The following TANC1 variants were observed in gnomAD, a reference collection of about 807,000 sequenced individuals.
The protein encoded by TANC1 is tetratricopeptide repeat, ankyrin repeat and coiled-coil containing 1.
Under a neutral mutation model 149.7 loss-of-function variants are expected in TANC1, and 77 were observed. The ratio of observed to expected loss-of-function variants is 0.51; its 90% CI spans 0.43 to 0.62. The LOEUF is 0.62. TANC1 is among the 20% of genes least tolerant of loss of function. TANC1 has a pLI of 0.00. For missense variants in TANC1, 1,985 were observed against 2,321.8 expected (o/e 0.85, Z 2.98); for synonymous variants, 854 against 925.0 (o/e 0.92, Z 1.39).
Position 159,230,370 on chromosome 2 carries a change from G to A in TANC1, c.4944G>A (p.Leu1648=). ...VDAAPPNQGG[L]ATCSDVRHPA... ...CAGCCCCTCCAAACCAAGGTGGGCT[G>A]GCGACCTGCAGCGACGTGCGACACC... The change falls in exon 27 of 27, where the codon CTG becomes CTA. Residue 1648 remains leucine, a synonymous_variant. Coordinates refer to ENST00000263635, the MANE Select transcript of TANC1 (RefSeq NM_033394.3). This position sits in a 1 kb window ranked among gnomAD's most constrained non-coding sequence, Gnocchi z 4.4. 1 of 1,614,146 alleles carries A rather than the reference G, an allele frequency of 6.2e-7. No individual in the cohort carries two copies. Among genetic ancestry groups the A allele is most frequent in the Non-Finnish European group, 8.5e-7 (1 of 1,180,030 alleles).
chr2:159,135,437 T>C (rs1430183557), intron 4 of TANC1, among the ~76,000 whole-genome samples: 3 of 152,266 alleles, frequency 2.0e-5, no homozygotes, highest in Non-Finnish European at 2.9e-5. Context: ...TGCAGGGCCA[T>C]GTAGTAACTC....
intron 5 of TANC1, among the ~76,000 whole-genome samples, chr2:159,142,784 C>T (rs1014853437): frequency 9.3e-5 from 14 of 150,922 alleles, no homozygotes; most frequent in Admixed American, 7.9e-4. Flanking sequence ...AAAAAAAAGG[C>T]CAGGCACGAT....
At chr2:159,042,854 A>G (rs1436507950) in intron 2 of TANC1, among the ~76,000 whole-genome samples, 1 of 152,098 alleles carries the variant, frequency 6.6e-6, no homozygotes, top group Non-Finnish European at 1.5e-5. Context: ...AGATAGGGGA[A>G]GGAGGTGCTT....
At chr2:158,983,491 C>T (rs1179667639) in intron 1 of TANC1, among the ~76,000 whole-genome samples, 1 of 138,660 alleles carries the variant, frequency 7.2e-6, no homozygotes, top group Non-Finnish European at 1.5e-5. Context: ...AAAAAAACAC[C>T]AAACAAACAA....
intron 3 of TANC1, among the ~76,000 whole-genome samples, chr2:159,078,380 A>C (rs1209601120): frequency 6.6e-6 from 1 of 152,242 alleles, no homozygotes; most frequent in Non-Finnish European, 1.5e-5. Context: ...AGTTCTAAGC[A>C]AGGCAAATGT....
intron 4 of TANC1, among the ~76,000 whole-genome samples, chr2:159,118,019 A>G (rs1240519687): frequency 6.6e-6 from 1 of 151,648 alleles, no homozygotes; most frequent in Non-Finnish European, 1.5e-5. Context: ...GTTTTTCTCT[A>G]CTGGTGTTTT....
At chr2:159,146,177 A>G (rs979922915) in intron 5 of TANC1, among the ~76,000 whole-genome samples, 9 of 152,282 alleles carry the variant, frequency 5.9e-5, no homozygotes, top group South Asian at 2.1e-4. Flanking sequence ...GCTCAGTGAC[A>G]CTTCTCCCAG....
intron 4 of TANC1, among the ~76,000 whole-genome samples, chr2:159,128,003 C>T (rs1389560930): frequency 6.6e-6 from 1 of 152,216 alleles, no homozygotes; most frequent in Middle Eastern, 3.2e-3. Flanking sequence ...TGGATCTTCG[C>T]AAACAAGGTA....
At chr2:159,161,965 G>A (rs1325203174) in intron 7 of TANC1, among the ~76,000 whole-genome samples, 1 of 152,226 alleles carries the variant, frequency 6.6e-6, no homozygotes, top group Non-Finnish European at 1.5e-5. Context: ...GATAGCCATG[G>A]ATACTCTAGG....
In TANC1 at chr2:159,136,198, C is replaced by G. The variant is rs375201296; in HGVS notation, c.264C>G (p.Pro88=). The change falls in exon 5 of 27, where the codon CCC becomes CCG. Residue 88 remains proline, a synonymous_variant. Transcript: ENST00000263635. ...QSRVNKKSPG[P]VRKPKYVESP... The stretch of plus-strand genomic sequence containing the variant: ...CTCAGATCTTTCCCACTACAGGTCC[C>G]GTCAGGAAGCCCAAGTATGTGGAAA... 6.2e-7 allele frequency: 1 copy of G among 1,600,038 alleles called. No homozygotes were observed. The highest frequency in any genetic ancestry group is 8.6e-7 in the Non-Finnish European group (1 of 1,167,180).
At chr2:159,021,736 T>G (rs1410454763) in intron 2 of TANC1, among the ~76,000 whole-genome samples, 1 of 152,204 alleles carries the variant, frequency 6.6e-6, no homozygotes, top group Non-Finnish European at 1.5e-5. Flanking sequence ...GAAATTAAAA[T>G]TAAATGAATT....
intron 1 of TANC1, among the ~76,000 whole-genome samples, chr2:158,991,395 C>T (rs747780494): frequency 3.3e-5 from 5 of 151,962 alleles, no homozygotes; most frequent in Non-Finnish European, 5.9e-5. Context: ...TATGTGTGCT[C>T]TTAAGGAAAA....
intron 5 of TANC1, among the ~76,000 whole-genome samples, chr2:159,145,508 T>C (rs11675366): frequency 0.24 from 36,806 of 152,128 alleles, 5,425 homozygotes; most frequent in Non-Finnish European, 0.35. Flanking sequence ...AGGATCTGGA[T>C]GGTGGTTAGC....
intron 1 of TANC1, among the ~76,000 whole-genome samples, chr2:158,969,620 G>A (rs562420143): frequency 1.3e-5 from 2 of 152,360 alleles, no homozygotes; most frequent in African/African-American, 4.8e-5. Flanking sequence ...CGGCTTTGGC[G>A]CGGCGGCTTT....
intron 7 of TANC1, among the ~76,000 whole-genome samples, chr2:159,157,691 T>G (rs141575231): frequency 6.6e-6 from 1 of 152,244 alleles, no homozygotes; most frequent in African/African-American, 2.4e-5. Context: ...TCATCCACTT[T>G]TATGAGCGGC....
chr2:159,065,779 A>C, intron 2 of TANC1, 117 bp from the exon 3 acceptor site: 1 of 689,206 alleles, frequency 1.5e-6, no homozygotes, highest in East Asian at 2.8e-5. Flanking sequence ...GGCTTAGGGT[A>C]CCTTAATATT....
intron 17 of TANC1, among the ~76,000 whole-genome samples, chr2:159,195,147 GTC>G (rs1040772896): frequency 6.6e-6 from 1 of 152,170 alleles, no homozygotes; most frequent in African/African-American, 2.4e-5. Context: ...TGTTTTGACA[GTC>G]TCACTCTGTC....
intron 4 of TANC1, among the ~76,000 whole-genome samples, chr2:159,133,339 G>C (rs2050297750): frequency 6.9e-6 from 1 of 144,546 alleles, no homozygotes; most frequent in Admixed American, 7.3e-5. Context: ...TCTTTGTTCT[G>C]GTTCCTTTTT....
intron 4 of TANC1, among the ~76,000 whole-genome samples, chr2:159,113,284 A>G (rs755510083): frequency 7.2e-5 from 11 of 152,098 alleles, no homozygotes; most frequent in Non-Finnish European, 1.6e-4. Context: ...ATTTTAGTAT[A>G]TTGTCCCTTT....
Sources: allele counts gnomAD v4.1 joint callset (sites outside exome capture counted in the v4.1 genomes callset), GRCh38; gene constraint gnomAD v4.1.1; non-coding constraint Gnocchi (gnomAD v3.1); transcripts MANE v1.5; gene names NCBI Gene and HGNC (gene_info 2026-07-23, HGNC 2026-07-21).